SLC45A1: variants seen among roughly 807,000 people sequenced by gnomAD.
SLC45A1 encodes the protein solute carrier family 45 member 1.
Under a neutral mutation model 57.6 loss-of-function variants are expected in SLC45A1, and 28 were observed. That is an observed-to-expected ratio of 0.49 (90% confidence interval 0.36 to 0.67). The LOEUF (loss-of-function observed/expected upper bound fraction) is 0.67, where lower values mean the gene tolerates loss of function less well. SLC45A1 is among the 30% of genes least tolerant of loss of function. The pLI is 0.00. For missense variants in SLC45A1, 814 were observed against 1,041.5 expected, an observed-to-expected ratio of 0.78 and a Z score of 3.01; for synonymous variants, 459 against 471.5, an observed-to-expected ratio of 0.97 and a Z score of 0.34.
intron 5 of SLC45A1, among the ~76,000 whole-genome samples, chr1:8,333,698 G>A (rs1640496140): frequency 6.6e-6 from 1 of 152,244 alleles, no homozygotes; most frequent in Non-Finnish European, 1.5e-5. Flanking sequence ...GCCTTTCAAG[G>A]TGCTGGGATT....
Position 8,339,700 on chromosome 1 carries a change from T to C in SLC45A1, c.1980+2T>C. 1 of 1,613,442 alleles carries C rather than the reference T, an allele frequency of 6.2e-7. No individual in the cohort carries two copies. ...TGCGATTACTATCAGAGTAAGAAGG[T>C]AAGTGCTCTCCCTTGTCTTGCTTCG... On this transcript the variant is annotated splice_donor_variant, in intron 8 of 8. Coordinates refer to ENST00000471889, the MANE Select transcript of SLC45A1 (RefSeq NM_001080397.3). LOFTEE classifies it high-confidence loss of function.
chr1:8,335,378 G>T lies in SLC45A1; in HGVS notation c.1444-59G>T. 1 of 1,503,730 alleles carries T rather than the reference G, an allele frequency of 6.7e-7. No homozygotes were observed. Among genetic ancestry groups the T allele is most frequent in the Non-Finnish European group, 8.9e-7 (1 of 1,119,596 alleles). 93.1% of individuals were successfully genotyped at this position (1,503,730 alleles called of 1,614,324 possible). A position where few individuals can be genotyped will look rare whatever the true frequency, so the allele number is the denominator to read the frequency against. ...AGCGCATTCCCCTGAGCAGAGCAGGGTCTGCGCTGTGTGATGGGGGTGCGG... is the reference window on the plus strand; with the variant it reads ...AGCGCATTCCCCTGAGCAGAGCAGGTTCTGCGCTGTGTGATGGGGGTGCGG... On this transcript the variant is annotated intron_variant, in intron 5 of 8. Coordinates refer to ENST00000471889, the MANE Select transcript of SLC45A1 (RefSeq NM_001080397.3). This position sits in a 1 kb window ranked among gnomAD's most constrained non-coding sequence, Gnocchi z 4.1.
At chr1:8,322,011 A>ATGGG (rs1640025382) in intron 1 of SLC45A1, among the ~76,000 whole-genome samples, 1 of 37,302 alleles carries the variant, frequency 2.7e-5, no homozygotes, top group Non-Finnish European at 4.8e-5. Flanking sequence ...GGATGGATGG[A>ATGGG]TGGATGGATG....
At chr1:8,341,156 T>C (rs1640797350) in intron 8 of SLC45A1, among the ~76,000 whole-genome samples, 1 of 128,940 alleles carries the variant, frequency 7.8e-6, no homozygotes, top group African/African-American at 3.0e-5. Flanking sequence ...GGCGAGATGG[T>C]GCCACCGCAC....
intron 6 of SLC45A1, among the ~76,000 whole-genome samples, chr1:8,336,345 G>T (rs1640610690): frequency 6.6e-6 from 1 of 151,790 alleles, no homozygotes; most frequent in Admixed American, 6.6e-5. Flanking sequence ...GGGAGGCAGA[G>T]GTTGCAATGA....
Position 8,326,678 on chromosome 1 carries a change from C to A in SLC45A1, c.715+636C>A, listed in dbSNP as rs530002788. On this transcript the variant is annotated intron_variant, in intron 4 of 8. Coordinates refer to ENST00000471889, the MANE Select transcript of SLC45A1 (RefSeq NM_001080397.3). This position sits in a 1 kb window ranked among gnomAD's most constrained non-coding sequence, Gnocchi z 5.5. ...AAAAAAGGTGGCACTAAATAGACCA[C>A]ACAAAAAACTCTTGTTTCGGCCAGG... Among the ~76,000 whole-genome samples, 3 of 152,256 alleles carry A rather than the reference C, an allele frequency of 2.0e-5. No homozygotes were observed. The highest frequency in any genetic ancestry group is 4.4e-5 in the Non-Finnish European group (3 of 68,018).
Position 8,330,474 on chromosome 1 carries a change from G to T in SLC45A1, c.981G>T (p.Pro327=), listed in dbSNP as rs769977174. 1 of 1,612,602 alleles carries T rather than the reference G, an allele frequency of 6.2e-7. No homozygotes were observed. The highest frequency in any genetic ancestry group is 8.5e-7 in the Non-Finnish European group (1 of 1,179,850). The change falls in exon 5 of 9, where the codon CCG becomes CCT. Residue 327 remains proline (P), a synonymous_variant. Transcript: ENST00000471889. This position sits in a 1 kb window ranked among gnomAD's most constrained non-coding sequence, Gnocchi z 8.4. ...LPEEGPGDSL[P]SHTATNFSSP... ...AGGAAGGCCCTGGCGACAGCCTCCC[G>T]TCGCACACGGCCACCAACTTCTCCA...
Position 8,343,788 on chromosome 1 carries a change from C to T in SLC45A1, c.2022C>T (p.Gly674=), listed in dbSNP as rs576153903. The T allele has an allele frequency of 3.7e-5, 60 of 1,614,056 alleles. No individual in the cohort carries two copies. Among genetic ancestry groups the T allele is most frequent in the Non-Finnish European group, 4.6e-5 (54 of 1,180,002 alleles). The part of the protein sequence containing the change: ...SSADGTRRGM[G]VDISLLSCQY... ...CGGACGGCACCCGGCGGGGCATGGGCGTGGACATCTCTCTGCTGAGCTGCC... is the reference window on the plus strand; with the variant it reads ...CGGACGGCACCCGGCGGGGCATGGGTGTGGACATCTCTCTGCTGAGCTGCC... The change falls in exon 9 of 9, where the codon GGC becomes GGT. Residue 674 remains glycine (G), a synonymous_variant. Coordinates refer to ENST00000471889, the MANE Select transcript of SLC45A1 (RefSeq NM_001080397.3). This position sits in a 1 kb window ranked among gnomAD's most constrained non-coding sequence, Gnocchi z 7.7.
At position 8,327,484 on chromosome 1, in the gene SLC45A1, G is replaced by A. The variant is rs1640237960; in HGVS notation, c.715+1442G>A. Among the ~76,000 whole-genome samples the A allele has an allele frequency of 6.6e-6, 1 of 152,182 alleles. No homozygotes were observed. Among genetic ancestry groups the A allele is most frequent in the Non-Finnish European group, 1.5e-5 (1 of 68,036 alleles). On this transcript the variant is annotated intron_variant, in intron 4 of 8. Transcript: ENST00000471889. This position sits in a 1 kb window ranked among gnomAD's most constrained non-coding sequence, Gnocchi z 4.3. Reference sequence around the variant, plus strand: ...AGCTGCAAAGCAGTGCAGGAGTTCAGCATGATGCTTAGTTATCAATGTACT... The same window carrying A: ...AGCTGCAAAGCAGTGCAGGAGTTCAACATGATGCTTAGTTATCAATGTACT...
Position 8,324,415 on chromosome 1 carries a change from C to T in SLC45A1, c.86C>T (p.Thr29Met), listed in dbSNP as rs376642457. ...CAGGACTTCTGGAGGTCCCAGGTCA[C>T]GGGCTACTCGGGGTCCGTGACACGA... ...APQDFWRSQV[T>M]GYSGSVTRHL... is the part of the protein sequence containing the mutation. Residue 29 changes from threonine (T) to methionine (M), a missense_variant, in exon 2 of 9, where the codon ACG (threonine) becomes ATG (methionine). Physicochemically the swap from Thr to Met is moderately conservative, Grantham distance 81. Transcript: ENST00000471889. 6.2e-5 allele frequency: 100 copies of T among 1,612,592 alleles called. 1 individual carries two copies. Among genetic ancestry groups the T allele is most frequent in the South Asian group, 4.6e-4 (42 of 91,060 alleles).
intron 7 of SLC45A1, 75 bp downstream of exon 7, chr1:8,338,067 G>T (rs1640680040): frequency 6.5e-6 from 9 of 1,393,530 alleles, no homozygotes; most frequent in East Asian, 2.3e-5. Context: ...AATGAAGGCA[G>T]GTTCATGGCC....
In SLC45A1 at chr1:8,330,636, C is replaced by T. The variant is rs1196302017; in HGVS notation, c.1143C>T (p.Phe381=). 6.2e-7 allele frequency: 1 copy of T among 1,613,512 alleles called. No homozygotes were observed. Among genetic ancestry groups the T allele is most frequent in the Non-Finnish European group, 8.5e-7 (1 of 1,179,992 alleles). The change falls in exon 5 of 9, where the codon TTC becomes TTT. Residue 381 remains phenylalanine, a synonymous_variant. Coordinates refer to ENST00000471889, the MANE Select transcript of SLC45A1 (RefSeq NM_001080397.3). The surrounding 1 kb of genome is among the most constrained non-coding windows in gnomAD (Gnocchi z 8.4). ...TAGACAGCGTCCTCATTGACTGCTTCACGGGCGGCCACGACAGCTACCTGG... is the reference window on the plus strand; with the variant it reads ...TAGACAGCGTCCTCATTGACTGCTTTACGGGCGGCCACGACAGCTACCTGG... ...ANIDSVLIDC[F]TGGHDSYLAI...
chr1:8,322,915 C>A (rs958846901), intron 1 of SLC45A1, among the ~76,000 whole-genome samples: 2 of 152,180 alleles, frequency 1.3e-5, no homozygotes, highest in Non-Finnish European at 2.9e-5. Flanking sequence ...CTCTTTCCCT[C>A]TGATCTGAGC....
intron 1 of SLC45A1, among the ~76,000 whole-genome samples, chr1:8,319,141 G>A (rs1180496482): frequency 1.3e-5 from 2 of 152,202 alleles, no homozygotes; most frequent in Admixed American, 6.5e-5. Context: ...TTAGCCGGGC[G>A]TGGTGGCACA....
At position 8,318,130 on chromosome 1, in the gene SLC45A1, C is replaced by G; in HGVS notation, c.-81C>G. The G allele has an allele frequency of 2.1e-6, 1 of 468,160 alleles. No homozygotes were observed. Among genetic ancestry groups the G allele is most frequent in the Non-Finnish European group, 3.9e-6 (1 of 257,726 alleles). The allele number at this position is 468,160 out of a possible 1,614,324, so 29.0% of individuals were successfully genotyped here. A position where few individuals can be genotyped will look rare whatever the true frequency, so the allele number is the denominator to read the frequency against. Reference sequence around the variant, plus strand: ...GGTGATGCTGCAGCAGCCGGGACCGCGGCCGGGCAGGCAGCAGCCCAGCGG... The same window carrying G: ...GGTGATGCTGCAGCAGCCGGGACCGGGGCCGGGCAGGCAGCAGCCCAGCGG... On this transcript the variant is annotated 5_prime_UTR_variant, in exon 1 of 9. Transcript: ENST00000471889.
chr1:8,324,877 G>A (rs776301297), intron 2 of SLC45A1, 151 bp downstream of exon 2: 10 of 765,152 alleles, frequency 1.3e-5, no homozygotes, highest in Non-Finnish European at 2.0e-5. Flanking sequence ...AGGTACCACC[G>A]GTCATATCCC....
chr1:8,321,430 T>G (rs1640006043), intron 1 of SLC45A1, among the ~76,000 whole-genome samples: 1 of 94,386 alleles, frequency 1.1e-5, no homozygotes, highest in South Asian at 3.4e-4. Context: ...AGGCCCTCCA[T>G]GATTAGCTAA....
intron 5 of SLC45A1, among the ~76,000 whole-genome samples, chr1:8,332,529 T>G (rs937071404): frequency 6.7e-6 from 1 of 149,564 alleles, no homozygotes; most frequent in African/African-American, 2.5e-5. Context: ...TTTTTTTTTT[T>G]GAGACAGAGT....
Position 8,330,536 on chromosome 1 carries a change from A to G in SLC45A1, c.1043A>G (p.Tyr348Cys). ...CCGCCCAGCCCCCTCACGCCCAAGT[A>G]CGGCAGCTTCATCAGCAGGGACAGC... ...ISPPSPLTPK[Y>C]GSFISRDSSL... The change falls in exon 5 of 9, where the codon TAC becomes TGC. Residue 348 changes from tyrosine (Y) to cysteine (C), a missense_variant. Tyr to Cys is a radical substitution (Grantham distance 194). Transcript: ENST00000471889. The surrounding 1 kb of genome is among the most constrained non-coding windows in gnomAD (Gnocchi z 8.4). The G allele has an allele frequency of 6.2e-7, 1 of 1,613,284 alleles. No homozygotes were observed. The highest frequency in any genetic ancestry group is 8.5e-7 in the Non-Finnish European group (1 of 1,179,948).
Sources: gnomAD v4.1 joint callset for allele counts (sites outside exome capture counted in the v4.1 genomes callset) on GRCh38, gnomAD v4.1.1 for gene constraint, Gnocchi (gnomAD v3.1) non-coding constraint, MANE v1.5 for transcripts, NCBI Gene and HGNC (gene_info 2026-07-23, HGNC 2026-07-21) for gene names.